The following NCOA7 variants were observed in gnomAD, a reference collection of about 807,000 sequenced individuals.
NCOA7 encodes the protein nuclear receptor coactivator 7, also known as 140 kDa estrogen receptor-associated protein.
Under a neutral mutation model 104.3 loss-of-function variants are expected in NCOA7, and 45 were observed. The observed-to-expected ratio is 0.43, with a 90% CI of 0.34 to 0.55. The LOEUF (loss-of-function observed/expected upper bound fraction) is 0.55, where lower values mean the gene tolerates loss of function less well. NCOA7 is among the 20% of genes least tolerant of loss of function. The probability of loss-of-function intolerance (pLI) is 0.02; values close to 1 mark genes in which losing one functional copy is unlikely to be tolerated. For missense variants in NCOA7, 1,041 were observed against 1,119.7 expected (o/e 0.93, Z 1.00); for synonymous variants, 398 against 402.3 (o/e 0.99, Z 0.13).
At chr6:125,818,588 A>G (rs1777822184) in intron 2 of NCOA7, among the ~76,000 whole-genome samples, 1 of 151,930 alleles carries the variant, frequency 6.6e-6, no homozygotes, top group Non-Finnish European at 1.5e-5. Flanking sequence ...AGAGAGAGAA[A>G]GAGACAGAGA....
chr6:125,867,955 T>C (rs1404225100), intron 3 of NCOA7, among the ~76,000 whole-genome samples: 1 of 152,234 alleles, frequency 6.6e-6, no homozygotes, highest in Non-Finnish European at 1.5e-5. Context: ...TCTATAGACC[T>C]GGAAGTGACA....
chr6:125,918,377 G>A (rs1247732011), intron 11 of NCOA7, among the ~76,000 whole-genome samples: 1 of 152,174 alleles, frequency 6.6e-6, no homozygotes, highest in Non-Finnish European at 1.5e-5. Context: ...TTCTGTCCCA[G>A]GTTGTGCTCA....
chr6:125,857,783 A>G (rs1303460549), intron 3 of NCOA7, among the ~76,000 whole-genome samples: 2 of 151,928 alleles, frequency 1.3e-5, no homozygotes, highest in Non-Finnish European at 2.9e-5. Context: ...ATGGGATTTC[A>G]CCATGTTGGC....
chr6:125,804,332 G>T (rs1340653506), intron 1 of NCOA7, among the ~76,000 whole-genome samples: 1 of 152,152 alleles, frequency 6.6e-6, no homozygotes, highest in Non-Finnish European at 1.5e-5. Context: ...TCTTAGAGAT[G>T]ATCTGAAGTG....
intron 2 of NCOA7, among the ~76,000 whole-genome samples, chr6:125,837,047 T>C (rs1317749077): frequency 6.6e-6 from 1 of 152,202 alleles, no homozygotes; most frequent in Non-Finnish European, 1.5e-5. Flanking sequence ...ATACCTTACA[T>C]TATTCTTTAA....
chr6:125,876,199 CT>C (rs1562959597), intron 4 of NCOA7, among the ~76,000 whole-genome samples: 1 of 152,172 alleles, frequency 6.6e-6, no homozygotes, highest in Non-Finnish European at 1.5e-5. Flanking sequence ...GCTGGTGTTT[CT>C]TTTGCAATAG....
intron 1 of NCOA7, among the ~76,000 whole-genome samples, chr6:125,798,362 A>G (rs1775540535): frequency 1.3e-5 from 2 of 152,236 alleles, no homozygotes; most frequent in African/African-American, 4.8e-5. Flanking sequence ...CATCTGTCAA[A>G]TGAAGATAAT....
intron 3 of NCOA7, among the ~76,000 whole-genome samples, chr6:125,861,139 C>T (rs1342499222): frequency 6.6e-6 from 1 of 152,118 alleles, no homozygotes; most frequent in Non-Finnish European, 1.5e-5. Context: ...CTCCTGAACT[C>T]AAAAGAAACT....
intron 1 of NCOA7, among the ~76,000 whole-genome samples, chr6:125,792,720 G>A (rs1246098988): frequency 1.3e-5 from 2 of 151,700 alleles, no homozygotes; most frequent in Admixed American, 6.6e-5. Context: ...CCAGGGGATT[G>A]TGAAATGAGG....
intron 1 of NCOA7, among the ~76,000 whole-genome samples, chr6:125,813,130 C>T (rs1777210711): frequency 6.6e-6 from 1 of 152,156 alleles, no homozygotes; most frequent in Non-Finnish European, 1.5e-5. Flanking sequence ...TTCCATGTAC[C>T]TTGGGGATGA....
chr6:125,839,637 T>C (rs1203902418), intron 2 of NCOA7, among the ~76,000 whole-genome samples: 3 of 152,086 alleles, frequency 2.0e-5, no homozygotes, highest in Admixed American at 1.3e-4. Context: ...TCCAGTGTTT[T>C]AGGAAGTCTG....
Position 125,905,136 on chromosome 6 carries a change from A to C in NCOA7, c.2097-10197A>C, listed in dbSNP as rs140548826. ...GCGTGAGTCACAGAGAGTTTCCAAA[A>C]AGCCATTGACAGACCTGCCAAGGTT... On this transcript the variant is annotated intron_variant, in intron 10 of 15. Coordinates refer to ENST00000392477, the MANE Select transcript of NCOA7 (RefSeq NM_181782.5). 3.9e-4 allele frequency among the ~76,000 whole-genome samples: 59 copies of C among 152,330 alleles called. 1 individual carries two copies. The East Asian group carries it at 0.011, about 28-fold the overall frequency.
chr6:125,908,668 G>A (rs182682272), intron 10 of NCOA7, among the ~76,000 whole-genome samples: 3 of 152,224 alleles, frequency 2.0e-5, no homozygotes, highest in Admixed American at 6.5e-5. Context: ...TGGGTTGTAG[G>A]AATGATGAGT....
At chr6:125,906,180 C>T (rs1785986534) in intron 10 of NCOA7, among the ~76,000 whole-genome samples, 1 of 151,820 alleles carries the variant, frequency 6.6e-6, no homozygotes, top group Non-Finnish European at 1.5e-5. Flanking sequence ...GGAGTGGGAC[C>T]CTTAAAAGTA....
rs1220284283 is a variant in NCOA7 at position 125,864,482 on chromosome 6, A to G, written c.271+9242A>G. Among the ~76,000 whole-genome samples, 3 of 136,224 alleles carry G rather than the reference A, an allele frequency of 2.2e-5. 1 individual carries two copies. The highest frequency in any genetic ancestry group is 4.7e-5 in the Non-Finnish European group (3 of 64,466). The allele number at this position is 136,224 out of a possible 152,430, so 89.4% of individuals were successfully genotyped here. A position where few individuals can be genotyped will look rare whatever the true frequency, so the allele number is the denominator to read the frequency against. On this transcript the variant is annotated intron_variant, in intron 3 of 15. Coordinates refer to ENST00000392477, the MANE Select transcript of NCOA7 (RefSeq NM_181782.5). ...AATTTATTTGTGTTTTAAAATCACTACTATGATCTGAATATTTGTGTCCCC... is the reference window on the plus strand; with the variant it reads ...AATTTATTTGTGTTTTAAAATCACTGCTATGATCTGAATATTTGTGTCCCC...
chr6:125,787,306 A>G (rs756903708), upstream of NCOA7, among the ~76,000 whole-genome samples: 11 of 152,198 alleles, frequency 7.2e-5, no homozygotes, highest in Non-Finnish European at 1.3e-4. Context: ...TCTTCATTAC[A>G]AGAATTGTCT....
intron 7 of NCOA7, among the ~76,000 whole-genome samples, chr6:125,884,184 G>A (rs947591294): frequency 2.6e-5 from 4 of 152,174 alleles, no homozygotes; most frequent in African/African-American, 9.7e-5. Flanking sequence ...CAAATGACAG[G>A]ATTGCATTCT....
chr6:125,803,295 A>C (rs1439402204), intron 1 of NCOA7, among the ~76,000 whole-genome samples: 2 of 152,172 alleles, frequency 1.3e-5, no homozygotes, highest in East Asian at 3.9e-4. Flanking sequence ...TTTATTTGGC[A>C]TAACTTTTTC....
intron 5 of NCOA7, among the ~76,000 whole-genome samples, chr6:125,880,640 G>C (rs895346448): frequency 2.0e-5 from 3 of 152,016 alleles, no homozygotes; most frequent in African/African-American, 7.2e-5. Flanking sequence ...AGATTCTCCT[G>C]CCTCAGCCTC....
Sources: gnomAD v4.1 joint callset for allele counts (sites outside exome capture counted in the v4.1 genomes callset) on GRCh38, gnomAD v4.1.1 for gene constraint, MANE v1.5 for transcripts, NCBI Gene and HGNC (gene_info 2026-07-23, HGNC 2026-07-21) for gene names.